DHRSX: variants seen among roughly 807,000 people sequenced by gnomAD.
DHRSX encodes dehydrogenase/reductase X-linked.
DHRSX carries 31 observed loss-of-function variants against 34.0 expected under a neutral mutation model. That is an observed-to-expected ratio of 0.91 (90% CI 0.69 to 1.23). The LOEUF (loss-of-function observed/expected upper bound fraction) is 1.23. Among genes scored for constraint, DHRSX ranks in the 50% most tolerant of loss-of-function variants. The pLI is 0.00. For synonymous variants in DHRSX, 201 were observed against 183.8 expected, an observed-to-expected ratio of 1.09 and a Z score of -0.76; for missense variants, 414 against 428.1, an observed-to-expected ratio of 0.97 and a Z score of 0.29.
intron 4 of DHRSX, among the ~76,000 whole-genome samples, chrX:2,289,724 T>C (rs999405644): frequency 1.3e-5 from 2 of 152,184 alleles, no homozygotes; most frequent in African/African-American, 4.8e-5. Context: ...CTTCTAATAC[T>C]GATAGGTCTT....
In DHRSX at chrX:2,243,363, A is replaced by G. The variant is rs776365290; in HGVS notation, c.597-133T>C. On this transcript the variant is annotated intron_variant, in intron 5 of 6. Transcript: ENST00000334651. ...ACCTCCCCTAGACCCATGTGTGATC[A>G]TGCCATCTGTTGGCCAGTTTTCCAA... 5.7e-6 allele frequency: 4 copies of G among 706,390 alleles called. No individual in the cohort carries two copies. The East Asian group carries it at 1.1e-4, about 19-fold the overall frequency. 43.8% of individuals were successfully genotyped at this position (706,390 alleles called of 1,614,324 possible).
At chrX:2,262,774 C>T (rs185383270) in intron 5 of DHRSX, among the ~76,000 whole-genome samples, 36 of 152,324 alleles carry the variant, frequency 2.4e-4, no homozygotes, top group African/African-American at 8.4e-4. Context: ...CTCCCACAAC[C>T]GGCAGGGTTC....
intron 2 of DHRSX, among the ~76,000 whole-genome samples, chrX:2,412,201 G>A (rs2043639651): frequency 6.6e-6 from 1 of 152,158 alleles, no homozygotes; most frequent in Admixed American, 6.5e-5. Context: ...GTATTTGGGG[G>A]GGCAGGGGAG....
rs191657938 is a variant in DHRSX, at chrX:2,469,163, G to A, written c.109+31654C>T. On this transcript the variant is annotated intron_variant, in intron 1 of 6. Coordinates refer to ENST00000334651, the MANE Select transcript of DHRSX (RefSeq NM_145177.3). ...AAGGGACCACCACCATGTACACACC[G>A]AAGACGTTCCCTAAGAATGCAGCCA... Among the ~76,000 whole-genome samples the A allele has an allele frequency of 1.1e-3, 167 of 152,066 alleles. 2 individuals carry two copies. The highest frequency in any genetic ancestry group is 3.5e-3 in the African/African-American group (144 of 41,484).
At chrX:2,303,564 G>A (rs988313847) in intron 3 of DHRSX, among the ~76,000 whole-genome samples, 1 of 152,052 alleles carries the variant, frequency 6.6e-6, no homozygotes, top group Non-Finnish European at 1.5e-5. Flanking sequence ...TCTGCTTCCT[G>A]TACAGCTTGC....
At chrX:2,253,488 C>T (rs1347374039) in intron 5 of DHRSX, among the ~76,000 whole-genome samples, 3 of 151,668 alleles carry the variant, frequency 2.0e-5, no homozygotes, top group African/African-American at 7.3e-5. Context: ...GCCAAGATGG[C>T]GCCACCACAC....
chrX:2,493,318 T>A lies in DHRSX; in HGVS notation c.109+7499A>T, dbSNP rs2045204811. Among the ~76,000 whole-genome samples, 4 of 151,846 alleles carry A rather than the reference T, an allele frequency of 2.6e-5. No homozygotes were observed. In the South Asian group the frequency reaches 8.4e-4, roughly 32 times the overall value. On this transcript the variant is annotated intron_variant, in intron 1 of 6. Transcript: ENST00000334651. Reference sequence around the variant, plus strand: ...GGACACAGCTGTATCAGATCCTCCATCATCATCATCATCATATTATTATTT... The same window carrying A: ...GGACACAGCTGTATCAGATCCTCCAACATCATCATCATCATATTATTATTT...
rs1176140712 is a variant in DHRSX at position 2,308,236 on chromosome X, C to T, written c.287-16633G>A. Among the ~76,000 whole-genome samples, 4 of 151,814 alleles carry T rather than the reference C, an allele frequency of 2.6e-5. No homozygotes were observed. In the East Asian group the frequency reaches 5.8e-4, roughly 22 times the overall value. The stretch of plus-strand genomic sequence containing the variant: ...AAGCAGGAAGTACAGCTTCAGCCAA[C>T]GAGGGCGCTCCCAGTTACTGGTCAT... On this transcript the variant is annotated intron_variant, in intron 3 of 6. Coordinates refer to ENST00000334651, the MANE Select transcript of DHRSX (RefSeq NM_145177.3).
intron 1 of DHRSX, among the ~76,000 whole-genome samples, chrX:2,478,381 T>C (rs949256124): frequency 5.3e-5 from 8 of 152,124 alleles, no homozygotes; most frequent in Admixed American, 4.6e-4. Context: ...CTCAGAAGAA[T>C]GTGGCAGGGA....
In DHRSX at chrX:2,449,498, T is replaced by C. The variant is rs193023735; in HGVS notation, c.110-24194A>G. 2.0e-3 allele frequency among the ~76,000 whole-genome samples: 310 copies of C among 152,180 alleles called. 1 individual carries two copies. Among genetic ancestry groups the C allele is most frequent in the Middle Eastern group, 0.01 (3 of 294 alleles). ...ATTGAAATTTCCTATCTTTTTAAATTTATTGTGGTTGAGACAGGGTCACAC... is the reference window on the plus strand; with the variant it reads ...ATTGAAATTTCCTATCTTTTTAAATCTATTGTGGTTGAGACAGGGTCACAC... On this transcript the variant is annotated intron_variant, in intron 1 of 6. Coordinates refer to ENST00000334651, the MANE Select transcript of DHRSX (RefSeq NM_145177.3).
intron 1 of DHRSX, among the ~76,000 whole-genome samples, chrX:2,456,262 A>G (rs2044294721): frequency 6.6e-6 from 1 of 152,096 alleles, no homozygotes; most frequent in Non-Finnish European, 1.5e-5. Context: ...AAGATGGATG[A>G]CTCATTTGTC....
At chrX:2,338,238 C>A (rs2042594595) in intron 3 of DHRSX, among the ~76,000 whole-genome samples, 1 of 151,754 alleles carries the variant, frequency 6.6e-6, no homozygotes, top group Non-Finnish European at 1.5e-5. Context: ...GAGGCTGAGG[C>A]AGGAGAATCG....
intron 3 of DHRSX, among the ~76,000 whole-genome samples, chrX:2,371,546 T>G (rs1178702291): frequency 1.2e-5 from 1 of 80,222 alleles, no homozygotes; most frequent in African/African-American, 2.9e-5. Context: ...AGTCCGTCCT[T>G]CTGTTACCAT....
At chrX:2,296,937 G>A (rs1229264545) in intron 3 of DHRSX, among the ~76,000 whole-genome samples, 1 of 90,540 alleles carries the variant, frequency 1.1e-5, no homozygotes. Context: ...TAGGACCCAG[G>A]CAGATAGGAA....
At chrX:2,313,725 T>C (rs34264125) in intron 3 of DHRSX, among the ~76,000 whole-genome samples, 3,251 of 152,252 alleles carry the variant, frequency 0.021, 121 homozygotes, top group African/African-American at 0.075. Flanking sequence ...AAGAGATTTA[T>C]TCTGAGCGAA....
At chrX:2,403,289 C>T (rs2043510482) in intron 3 of DHRSX, among the ~76,000 whole-genome samples, 1 of 152,118 alleles carries the variant, frequency 6.6e-6, no homozygotes, top group Admixed American at 6.6e-5. Flanking sequence ...TATTTTTGTG[C>T]CCATTAACCA....
chrX:2,295,428 G>A (rs1357732101), intron 3 of DHRSX, among the ~76,000 whole-genome samples: 2 of 152,260 alleles, frequency 1.3e-5, no homozygotes, highest in African/African-American at 4.8e-5. Flanking sequence ...CTTGCTGGGG[G>A]GTGGAGGGTT....
chrX:2,369,057 T>C (rs1168877181), intron 3 of DHRSX, among the ~76,000 whole-genome samples: 1 of 152,232 alleles, frequency 6.6e-6, no homozygotes, highest in Non-Finnish European at 1.5e-5. Context: ...GTGTCTCATT[T>C]CTACCCTATA....
chrX:2,388,259 T>C (rs900853269), intron 3 of DHRSX, among the ~76,000 whole-genome samples: 11 of 152,152 alleles, frequency 7.2e-5, no homozygotes, highest in African/African-American at 2.4e-4. Context: ...CTGGTTGTCA[T>C]GGGCTGAATT....
Sources: allele counts gnomAD v4.1 joint callset (sites outside exome capture counted in the v4.1 genomes callset), GRCh38; gene constraint gnomAD v4.1.1; transcripts MANE v1.5; gene names NCBI Gene and HGNC (gene_info 2026-07-23, HGNC 2026-07-21).